Variants in LDLRAP1 observed in about 807,000 individuals in gnomAD.
The protein encoded by LDLRAP1 is low density lipoprotein receptor adaptor protein 1.
LDLRAP1 carries 30 observed loss-of-function variants against 37.8 expected under a neutral mutation model. The ratio of observed to expected loss-of-function variants is 0.79; its 90% CI spans 0.59 to 1.08. The LOEUF (loss-of-function observed/expected upper bound fraction) is 1.08, where lower values mean the gene tolerates loss of function less well. Among genes scored for constraint, LDLRAP1 ranks in the 50% least tolerant of loss-of-function variants. The pLI is 0.00. For missense variants in LDLRAP1, 375 were observed against 401.6 expected (o/e 0.93, Z 0.57); for synonymous variants, 156 against 169.8 (o/e 0.92, Z 0.63).
intron 7 of LDLRAP1, chr1:25,564,913 CA>C (rs1304063162): frequency 1.9e-6 from 1 of 519,902 alleles, no homozygotes; most frequent in African/African-American, 1.9e-5. Context: ...TAGCATGGAC[CA>C]GGGCACTGAA....
the LDLRAP1 span, among the ~76,000 whole-genome samples, chr1:25,588,449 T>G: frequency 2.0e-5 from 3 of 152,212 alleles, no homozygotes; most frequent in Admixed American, 6.5e-5. Flanking sequence ...AGTTGGGACA[T>G]GCGGGCGGCA....
rs1263784733 is a variant in LDLRAP1, at chr1:25,554,293, A to AC, written c.231+234dup. Among the ~76,000 whole-genome samples the AC allele has an allele frequency of 6.6e-6, 1 of 150,528 alleles. No individual in the cohort carries two copies. Among genetic ancestry groups the AC allele is most frequent in the East Asian group, 1.9e-4 (1 of 5,130 alleles). ...CATTATGGCCTCTTCCAGCCTCCCC[A>AC]CCCCCAGCTCAGGCTCCCTACCAAT... On this transcript the variant is annotated intron_variant, in intron 2 of 8. Transcript: ENST00000374338. The surrounding 1 kb of genome is among the most constrained non-coding windows in gnomAD (Gnocchi z 5.4).
rs763453548 is a variant in LDLRAP1 at position 25,563,139 on chromosome 1, C to A, written c.602C>A (p.Pro201His). Residue 201 changes from proline to histidine, a missense_variant, in exon 6 of 9, where the codon CCC becomes CAC. By Grantham distance (77) the Pro-to-His change is moderately conservative. Coordinates refer to ENST00000374338, the MANE Select transcript of LDLRAP1 (RefSeq NM_015627.3). ...DVLGARQDCT[P>H]SLKSLVATGN... ...CTGGGGGCCCGCCAAGACTGCACCC[C>A]CTCCTTGAAGAGCTGTGAGTCCTGA... is the stretch of plus-strand genomic sequence containing the variant. The A allele has an allele frequency of 6.2e-7, 1 of 1,613,786 alleles. No homozygotes were observed. The highest frequency in any genetic ancestry group is 8.5e-7 in the Non-Finnish European group (1 of 1,179,736).
At chr1:25,550,366 T>G (rs1281960306) in intron 1 of LDLRAP1, among the ~76,000 whole-genome samples, 1 of 152,212 alleles carries the variant, frequency 6.6e-6, no homozygotes, top group Non-Finnish European at 1.5e-5. Flanking sequence ...ATTAAGGCCT[T>G]GCTGTTAACC....
At chr1:25,564,566 G>C (rs1347865426) in intron 7 of LDLRAP1, 1 of 154,488 alleles carries the variant, frequency 6.5e-6, no homozygotes, top group East Asian at 1.9e-4. Flanking sequence ...TAAAAATCTG[G>C]GTACTGGGGG....
chr1:25,569,362 G>T (rs2044569908), downstream of LDLRAP1, among the ~76,000 whole-genome samples: 1 of 152,206 alleles, frequency 6.6e-6, no homozygotes, highest in Non-Finnish European at 1.5e-5. Flanking sequence ...GTCCAGGCGT[G>T]GCCCAGATGA....
At chr1:25,586,337 C>G in the LDLRAP1 span, among the ~76,000 whole-genome samples, 1 of 152,136 alleles carries the variant, frequency 6.6e-6, no homozygotes, top group Non-Finnish European at 1.5e-5. The surrounding 1 kb of genome is among the most constrained non-coding windows in gnomAD (Gnocchi z 4.3). Flanking sequence ...CCCTCCCTGT[C>G]CCTGCACTCA....
the LDLRAP1 span, among the ~76,000 whole-genome samples, chr1:25,590,004 G>C: frequency 6.6e-6 from 1 of 152,276 alleles, no homozygotes. Context: ...TTGGGAGGCT[G>C]AGGCAGGCGA....
the LDLRAP1 span, among the ~76,000 whole-genome samples, chr1:25,576,039 G>T: frequency 6.7e-6 from 1 of 149,980 alleles, no homozygotes. Context: ...GACCAGCCTG[G>T]CCAACATGGT....
chr1:25,577,122 C>A, the LDLRAP1 span, among the ~76,000 whole-genome samples: 1 of 152,222 alleles, frequency 6.6e-6, no homozygotes, highest in Non-Finnish European at 1.5e-5. Flanking sequence ...TGAGAAAGAT[C>A]GGGAGGAAGC....
intron 4 of LDLRAP1, among the ~76,000 whole-genome samples, chr1:25,561,476 A>G (rs550741298): frequency 6.6e-6 from 1 of 152,258 alleles, no homozygotes; most frequent in South Asian, 2.1e-4. Flanking sequence ...CCATTTCTCA[A>G]TTAAATTGAG....
At chr1:25,553,633 C>G (rs1287907043) in intron 1 of LDLRAP1, 1 of 426,688 alleles carries the variant, frequency 2.3e-6, no homozygotes, top group East Asian at 4.9e-5. Context: ...GGGCAGATCA[C>G]TTGGGGTCAG....
At chr1:25,565,141 T>C (rs755094342) in intron 7 of LDLRAP1, 32 bp from the exon 8 acceptor site, 1 of 1,613,182 alleles carries the variant, frequency 6.2e-7, no homozygotes, top group Non-Finnish European at 8.5e-7. Context: ...CCCCCAAACA[T>C]AGTTCTTATC....
chr1:25,562,903 A>G (rs1424754721), intron 5 of LDLRAP1, 167 bp from the exon 6 acceptor site: 15 of 821,200 alleles, frequency 1.8e-5, no homozygotes, highest in Middle Eastern at 2.2e-4. Flanking sequence ...TCCCTCCCCA[A>G]AGGTGCTTGT....
At chr1:25,588,079 A>G in the LDLRAP1 span, among the ~76,000 whole-genome samples, 14,351 of 151,312 alleles carry the variant, frequency 0.095, 1,608 homozygotes, top group East Asian at 0.24. Flanking sequence ...ATGCTTGAAG[A>G]CAGCATGCTC....
the LDLRAP1 span, among the ~76,000 whole-genome samples, chr1:25,576,382 C>T: frequency 7.3e-5 from 11 of 151,688 alleles, no homozygotes; most frequent in Non-Finnish European, 1.2e-4. Context: ...CAAAATAAGC[C>T]GGGTGTGGTG....
intron 8 of LDLRAP1, among the ~76,000 whole-genome samples, chr1:25,566,049 C>T (rs2044470179): frequency 6.6e-6 from 1 of 152,188 alleles, no homozygotes; most frequent in African/African-American, 2.4e-5. Context: ...CCTTCCCTGC[C>T]TCACTGGCTG....
chr1:25,574,094 G>A, the LDLRAP1 span, among the ~76,000 whole-genome samples: 1 of 152,256 alleles, frequency 6.6e-6, no homozygotes, highest in East Asian at 1.9e-4. Context: ...AGTGCTGGAG[G>A]AGGTAGGGAG....
chr1:25,556,883 G>A (rs1344358460), intron 3 of LDLRAP1, among the ~76,000 whole-genome samples: 1 of 152,192 alleles, frequency 6.6e-6, no homozygotes, highest in African/African-American at 2.4e-5. Flanking sequence ...TACTGTTTTG[G>A]GGTGTGGCTC....
Sources: gnomAD v4.1 joint callset for allele counts (sites outside exome capture counted in the v4.1 genomes callset) on GRCh38, gnomAD v4.1.1 for gene constraint, Gnocchi (gnomAD v3.1) non-coding constraint, MANE v1.5 for transcripts, NCBI Gene and HGNC (gene_info 2026-07-23, HGNC 2026-07-21) for gene names.